The following KIF14 variants were observed in gnomAD, a reference collection of about 807,000 sequenced individuals.
KIF14 encodes kinesin-like protein KIF14.
In KIF14, 98 loss-of-function variants were observed where a neutral mutation model predicts 176.2. That is an observed-to-expected ratio of 0.56 (90% CI 0.47 to 0.66). The LOEUF (loss-of-function observed/expected upper bound fraction) is 0.66, where lower values mean the gene tolerates loss of function less well. Ranked by LOEUF, KIF14 falls within the 30% of genes least tolerant of loss-of-function variation. The pLI is 0.00. For synonymous variants in KIF14, 566 were observed against 632.2 expected, an observed-to-expected ratio of 0.90 and a Z score of 1.57; for missense variants, 1,751 against 1,920.4, an observed-to-expected ratio of 0.91 and a Z score of 1.65.
chr1:200,574,480 T>G (rs996142945), intron 22 of KIF14, among the ~76,000 whole-genome samples: 1 of 152,192 alleles, frequency 6.6e-6, no homozygotes, highest in Admixed American at 6.5e-5. Context: ...CTTCACTGCA[T>G]TTAAAATCCT....
At chr1:200,610,282 C>T (rs1191961902) in intron 4 of KIF14, among the ~76,000 whole-genome samples, 2 of 152,066 alleles carry the variant, frequency 1.3e-5, no homozygotes, top group Admixed American at 6.6e-5. Context: ...AGGTGGATTA[C>T]GAGGTCAGGG....
chr1:200,596,711 C>T (rs1022471543), intron 14 of KIF14, among the ~76,000 whole-genome samples: 1 of 151,052 alleles, frequency 6.6e-6, no homozygotes, highest in Admixed American at 6.6e-5. Flanking sequence ...ACTATAGGTG[C>T]CCACCACCAT....
intron 18 of KIF14, 66 bp downstream of exon 18, chr1:200,589,151 C>G (rs892543031): frequency 9.1e-5 from 125 of 1,369,144 alleles, no homozygotes; most frequent in Non-Finnish European, 8.6e-5. Context: ...CCATAAGCCA[C>G]TTCTTTGAAA....
At chr1:200,584,893 A>G (rs184967983) in intron 19 of KIF14, among the ~76,000 whole-genome samples, 2 of 152,362 alleles carry the variant, frequency 1.3e-5, no homozygotes, top group African/African-American at 4.8e-5. Context: ...CCAAACTGAG[A>G]AGGAAGAAGT....
intron 4 of KIF14, among the ~76,000 whole-genome samples, chr1:200,613,173 C>G (rs1249613817): frequency 6.6e-6 from 1 of 152,158 alleles, no homozygotes; most frequent in Non-Finnish European, 1.5e-5. Context: ...CAGGCATGAG[C>G]CACCGCACCC....
At chr1:200,583,707 C>T (rs1044782976) in intron 19 of KIF14, among the ~76,000 whole-genome samples, 1 of 151,432 alleles carries the variant, frequency 6.6e-6, no homozygotes, top group African/African-American at 2.4e-5. Context: ...TTTGGGAAGC[C>T]GAGGCAGGCA....
Position 200,569,299 on chromosome 1 carries a change from C to T in KIF14, c.3661+612G>A, listed in dbSNP as rs538374407. Among the ~76,000 whole-genome samples, 10 of 151,690 alleles carry T rather than the reference C, an allele frequency of 6.6e-5. 1 individual carries two copies. The South Asian group carries it at 2.1e-3, about 32-fold the overall frequency. On this transcript the variant is annotated intron_variant, in intron 23 of 29. Coordinates refer to ENST00000367350, the MANE Select transcript of KIF14 (RefSeq NM_014875.3). ...TAAAATTTACAGTGTATCCTCTCCT[C>T]CTACATTTTAAAATAACATTATAAT...
chr1:200,568,141 C>G (rs894799144), intron 23 of KIF14, among the ~76,000 whole-genome samples: 1 of 152,100 alleles, frequency 6.6e-6, no homozygotes, highest in South Asian at 2.1e-4. Context: ...AGGCCTGGTC[C>G]CCCTTCCACC....
chr1:200,559,548 A>T (rs1657016848), intron 26 of KIF14, 96 bp from the exon 27 acceptor site: 1 of 635,300 alleles, frequency 1.6e-6, no homozygotes, highest in Admixed American at 4.1e-5. Context: ...TTATCAAGTA[A>T]TTAAGTTATA....
At chr1:200,605,932 T>G (rs900763084) in intron 6 of KIF14, 38 bp from the exon 7 acceptor site, 7 of 1,228,550 alleles carry the variant, frequency 5.7e-6, no homozygotes, top group Admixed American at 4.6e-5. Context: ...TCAATTTTAC[T>G]GATGATTATA....
chr1:200,559,333 A>AT lies in KIF14; in HGVS notation c.4349dup (p.Asn1450LysfsTer2). 1.3e-6 allele frequency: 2 copies of AT among 1,552,280 alleles called. No individual in the cohort carries two copies. Among genetic ancestry groups the AT allele is most frequent in the Non-Finnish European group, 1.7e-6 (2 of 1,152,116 alleles). ...AATATTCTTTTATTCATCTTACCTCATTTTTTGTACACTGCCTAAAGAGTT... is the reference window on the plus strand; with the variant it reads ...AATATTCTTTTATTCATCTTACCTCATTTTTTTGTACACTGCCTAAAGAGTT... On this transcript the variant is annotated frameshift_variant, in exon 27 of 30. Coordinates refer to ENST00000367350, the MANE Select transcript of KIF14 (RefSeq NM_014875.3). LOFTEE classifies it high-confidence loss of function.
chr1:200,593,564 T>TGCTTCAA (rs1168427234), intron 15 of KIF14, 103 bp downstream of exon 15: 1 of 780,768 alleles, frequency 1.3e-6, no homozygotes, highest in East Asian at 2.5e-5. Flanking sequence ...GTCCTTAATC[T>TGCTTCAA]GCTTCAACAC....
intron 23 of KIF14, 34 bp from the exon 24 acceptor site, chr1:200,565,703 T>C: frequency 7.3e-7 from 1 of 1,368,246 alleles, no homozygotes; most frequent in East Asian, 2.3e-5. Flanking sequence ...TTTAAGCTTG[T>C]TTTCAGGAAT....
intron 18 of KIF14, among the ~76,000 whole-genome samples, chr1:200,586,813 A>G (rs1658775370): frequency 1.5e-5 from 2 of 131,380 alleles, no homozygotes; most frequent in Admixed American, 7.9e-5. Context: ...ATATATATAT[A>G]TATACACCAT....
Position 200,553,631 on chromosome 1 carries a change from G to A in KIF14, c.4704C>T (p.His1568=), listed in dbSNP as rs1192458156. 6.2e-7 allele frequency: 1 copy of A among 1,614,024 alleles called. No individual in the cohort carries two copies. Among genetic ancestry groups the A allele is most frequent in the Non-Finnish European group, 8.5e-7 (1 of 1,179,996 alleles). ...ACTTAGCTAGAGATTCTAGTTCCTG[G>A]TGGACAATGTGAGTTACTCTACTCT... ...SYESRVTHIV[H]QELESLAKSL... is the part of the protein sequence containing the mutation. Residue 1568 remains histidine (H), a synonymous_variant, in exon 30 of 30, where the codon CAC becomes CAT. Coordinates refer to ENST00000367350, the MANE Select transcript of KIF14 (RefSeq NM_014875.3).
Position 200,553,537 on chromosome 1 carries a change from T to A in KIF14, c.4798A>T (p.Asn1600Tyr). The change falls in exon 30 of 30, where the codon AAT becomes TAT. Residue 1600 changes from asparagine (N) to tyrosine (Y), a missense_variant. Asn to Tyr is a moderately radical substitution (Grantham distance 143, BLOSUM62 -2). Coordinates refer to ENST00000367350, the MANE Select transcript of KIF14 (RefSeq NM_014875.3). The stretch of plus-strand genomic sequence containing the variant: ...GATTGTTGGTGTTCTTCTTTGGTAT[T>A]TTGATTATAAGTTTCCCAGGGTTTC... ...LLKPWETYNQNTKEEHQQSKS... is the reference protein window; with the variant it reads ...LLKPWETYNQYTKEEHQQSKS... 1 of 1,614,108 alleles carries A rather than the reference T, an allele frequency of 6.2e-7. No individual in the cohort carries two copies. The highest frequency in any genetic ancestry group is 8.5e-7 in the Non-Finnish European group (1 of 1,180,030).
intron 21 of KIF14, 56 bp downstream of exon 21, chr1:200,580,198 A>G (rs1658365319): frequency 1.1e-6 from 1 of 924,488 alleles, no homozygotes; most frequent in Non-Finnish European, 1.5e-6. Flanking sequence ...AGGTACTTGA[A>G]CTTTTATACT....
intron 22 of KIF14, among the ~76,000 whole-genome samples, chr1:200,570,992 T>A (rs944164375): frequency 3.3e-5 from 5 of 152,190 alleles, no homozygotes; most frequent in African/African-American, 4.8e-5. Context: ...AGGAAAGATT[T>A]TAAACAGGGA....
At position 200,618,380 on chromosome 1, in the gene KIF14, G is replaced by A; in HGVS notation, c.344C>T (p.Ala115Val). The A allele has an allele frequency of 6.2e-7, 1 of 1,614,098 alleles. No individual in the cohort carries two copies. The highest frequency in any genetic ancestry group is 8.5e-7 in the Non-Finnish European group (1 of 1,180,014). ...ACGTTGTAATGTAAGACGTGTTTCT[G>A]CTGTTTTTTCAGTTGTGTCTTCCAA... is the stretch of plus-strand genomic sequence containing the variant. ...SELEDTTEKT[A>V]ETRLTLQRRA... Residue 115 changes from alanine to valine, a missense_variant, in exon 2 of 30, where the codon GCA becomes GTA. Transcript: ENST00000367350.
Sources: allele counts gnomAD v4.1 joint callset (sites outside exome capture counted in the v4.1 genomes callset), GRCh38; gene constraint gnomAD v4.1.1; transcripts MANE v1.5; gene names NCBI Gene and HGNC (gene_info 2026-07-23, HGNC 2026-07-21).